DNAJC16: variants seen among roughly 807,000 people sequenced by gnomAD.
The protein encoded by DNAJC16 is dnaJ homolog subfamily C member 16.
A neutral mutation model predicts 92.7 loss-of-function variants in DNAJC16; 76 were observed. The observed-to-expected ratio is 0.82, with a 90% CI of 0.68 to 0.99. The LOEUF is 0.99. Among genes scored for constraint, DNAJC16 ranks in the 50% least tolerant of loss-of-function variants. The pLI is 0.00. For synonymous variants in DNAJC16, 328 were observed against 358.7 expected, an observed-to-expected ratio of 0.91 and a Z score of 0.97; for missense variants, 869 against 942.4, an observed-to-expected ratio of 0.92 and a Z score of 1.02.
chr1:15,557,688 T>C (rs1638597657), intron 7 of DNAJC16, among the ~76,000 whole-genome samples: 1 of 151,966 alleles, frequency 6.6e-6, no homozygotes, highest in Non-Finnish European at 1.5e-5. Context: ...CATCAGTCAT[T>C]AAAGTTCAAA....
At chr1:15,534,395 G>GGGGAACATGACCT in intron 3 of DNAJC16, 92 bp downstream of exon 3, 1 of 1,310,622 alleles carries the variant, frequency 7.6e-7, no homozygotes, top group Non-Finnish European at 1.1e-6. Flanking sequence ...GAAAGGTCAT[G>GGGGAACATGACCT]TTCCCCATGC....
chr1:15,536,477 T>A lies in DNAJC16; in HGVS notation c.237T>A (p.Ile79=), dbSNP rs755072375. 1 of 1,572,150 alleles carries A rather than the reference T, an allele frequency of 6.4e-7. No individual in the cohort carries two copies. The highest frequency in any genetic ancestry group is 8.6e-7 in the Non-Finnish European group (1 of 1,163,362). Residue 79 remains isoleucine (I), a splice_region_variant and synonymous_variant, in exon 4 of 15, where the codon ATT becomes ATA. Transcript: ENST00000375847. ...TAGATTTTTTTCTTCCTTTATAGAT[T>A]CTTTCAAATGAAGAAAAGAGATCAA... is the stretch of plus-strand genomic sequence containing the variant. ...KFIQISKAYE[I]LSNEEKRSNY... is the part of the protein sequence containing the mutation.
rs1553148306 is a variant in DNAJC16 at position 15,555,220 on chromosome 1, CAAAAAAAAAGA to C, written c.1024-4295_1024-4285del. ...GTAAAACCCCGTCTCTACTAAAATA[CAAAAAAAAAGA>C]AAAAAAAAAGCCAGGTGTGGCAGCA... On this transcript the variant is annotated intron_variant, in intron 7 of 14. Transcript: ENST00000375847. Among the ~76,000 whole-genome samples the C allele has an allele frequency of 7.2e-5, 10 of 139,716 alleles. No individual in the cohort carries two copies. The South Asian group carries it at 1.1e-3, about 16-fold the overall frequency. The allele number at this position is 139,716 out of a possible 152,430, so 91.7% of individuals were successfully genotyped here.
chr1:15,541,148 G>A (rs1710922690), intron 4 of DNAJC16, among the ~76,000 whole-genome samples: 1 of 152,170 alleles, frequency 6.6e-6, no homozygotes, highest in African/African-American at 2.4e-5. Flanking sequence ...GCTAAAGAAG[G>A]CACTCAAGAA....
chr1:15,527,649 GC>G (rs1345621436), intron 1 of DNAJC16, among the ~76,000 whole-genome samples: 1 of 152,164 alleles, frequency 6.6e-6, no homozygotes, highest in African/African-American at 2.4e-5. Context: ...ATAATAGGTT[GC>G]CTTAACAAAG....
chr1:15,564,002 G>A lies in DNAJC16; in HGVS notation c.1412G>A (p.Ser471Asn). 1 of 1,614,222 alleles carries A rather than the reference G, an allele frequency of 6.2e-7. No individual in the cohort carries two copies. The highest frequency in any genetic ancestry group is 8.5e-7 in the Non-Finnish European group (1 of 1,180,022). ...ACCCTGGAAGACCCTTGGATTGGGA[G>A]TGAGAGTGACAAATTTATCCTCTTG... The part of the protein sequence containing the change: ...YKTLEDPWIG[S>N]ESDKFILLGY... Residue 471 changes from serine (S) to asparagine (N), a missense_variant, in exon 10 of 15, where the codon AGT (serine) becomes AAT (asparagine). Physicochemically the swap from Ser to Asn is conservative, Grantham distance 46. Transcript: ENST00000375847.
In DNAJC16 at chr1:15,536,659, A is replaced by C. The variant is rs2103406106; in HGVS notation, c.419A>C (p.Glu140Ala). The C allele has an allele frequency of 1.2e-6, 2 of 1,614,132 alleles. No individual in the cohort carries two copies. Among genetic ancestry groups the C allele is most frequent in the East Asian group, 2.2e-5 (1 of 44,878 alleles). ...TCTGAACGGCGGGACTCAATTGACG[A>C]AAAGTATTTATTGCACTTTTCACAT... ...FNSERRDSID[E>A]KYLLHFSHYV... is the part of the protein sequence containing the mutation. The change falls in exon 4 of 15, where the codon GAA (glutamate) becomes GCA (alanine). Residue 140 changes from glutamate to alanine, a missense_variant. Glu to Ala is a moderately radical substitution (Grantham distance 107). Coordinates refer to ENST00000375847, the MANE Select transcript of DNAJC16 (RefSeq NM_015291.4).
In DNAJC16 at chr1:15,548,316, A is replaced by C; in HGVS notation, c.911A>C (p.Tyr304Ser). Reference sequence around the variant, plus strand: ...GATTATTTATCATTTGGATATGTATATGTGGGTTTGAGAGGGACGGAAGAG... The same window carrying C: ...GATTATTTATCATTTGGATATGTATCTGTGGGTTTGAGAGGGACGGAAGAG... ...YKDYLSFGYV[Y>S]VGLRGTEEMT... The change falls in exon 7 of 15, where the codon TAT (tyrosine) becomes TCT (serine). Residue 304 changes from tyrosine to serine, a missense_variant. Tyr to Ser is a moderately radical substitution (Grantham distance 144, BLOSUM62 -2). Coordinates refer to ENST00000375847, the MANE Select transcript of DNAJC16 (RefSeq NM_015291.4). 6.2e-7 allele frequency: 1 copy of C among 1,614,178 alleles called. No individual in the cohort carries two copies. The highest frequency in any genetic ancestry group is 8.5e-7 in the Non-Finnish European group (1 of 1,180,010).
Position 15,567,276 on chromosome 1 carries a change from A to ATGTG in DNAJC16, c.1949+16_1949+19dup. On this transcript the variant is annotated splice_region_variant and intron_variant, in intron 14 of 14. Coordinates refer to ENST00000375847, the MANE Select transcript of DNAJC16 (RefSeq NM_015291.4). ...AGGTCTACACATTTACTGGGTAAGCATGTGTGTGTGTGCATGTATGTATGT... is the reference window on the plus strand; with the variant it reads ...AGGTCTACACATTTACTGGGTAAGCATGTGTGTGTGTGTGTGCATGTATGTATGT... 1 of 1,608,850 alleles carries ATGTG rather than the reference A, an allele frequency of 6.2e-7. No individual in the cohort carries two copies. The highest frequency in any genetic ancestry group is 8.5e-7 in the Non-Finnish European group (1 of 1,176,120).
At chr1:15,546,358 A>G (rs1638303931) in intron 5 of DNAJC16, among the ~76,000 whole-genome samples, 1 of 152,160 alleles carries the variant, frequency 6.6e-6, no homozygotes, top group Non-Finnish European at 1.5e-5. Context: ...GGTGTGATAG[A>G]TAGATGGGAG....
intron 7 of DNAJC16, among the ~76,000 whole-genome samples, chr1:15,556,169 G>C (rs1638566663): frequency 6.7e-6 from 1 of 149,502 alleles, no homozygotes; most frequent in Non-Finnish European, 1.5e-5. Context: ...AATGAAGACA[G>C]TATCTTTTTG....
intron 9 of DNAJC16, among the ~76,000 whole-genome samples, chr1:15,563,663 TAAAAAAAAAAAAAAA>T (rs57751838): frequency 1.9e-5 from 1 of 53,182 alleles, no homozygotes; most frequent in Non-Finnish European, 3.5e-5. Context: ...CCATCTCTAC[TAAAAAAAAAAAAAAA>T]AAAAAAAAAA....
chr1:15,567,053 TC>T, intron 13 of DNAJC16, 45 bp from the exon 14 acceptor site: 1 of 1,563,610 alleles, frequency 6.4e-7, no homozygotes, highest in Non-Finnish European at 8.8e-7. Context: ...GTAACGGCTT[TC>T]CCCCTATCCT....
chr1:15,543,623 G>C (rs72645808), intron 4 of DNAJC16, among the ~76,000 whole-genome samples: 32,564 of 152,100 alleles, frequency 0.21, 3,725 homozygotes, highest in Middle Eastern at 0.23. Context: ...TGGCTGCTAT[G>C]TTAAGAACAG....
At chr1:15,528,948 A>T in intron 1 of DNAJC16, 140 bp from the exon 2 acceptor site, 1 of 588,162 alleles carries the variant, frequency 1.7e-6, no homozygotes, top group Non-Finnish European at 2.8e-6. Context: ...TTTAAGATAC[A>T]GTTCAACAGC....
At chr1:15,543,514 C>T (rs1381926659) in intron 4 of DNAJC16, among the ~76,000 whole-genome samples, 1 of 152,164 alleles carries the variant, frequency 6.6e-6, no homozygotes, top group Non-Finnish European at 1.5e-5. Context: ...TTGTTGGCCT[C>T]TGTGAGGATT....
chr1:15,534,667 G>A (rs1295350441), intron 3 of DNAJC16, among the ~76,000 whole-genome samples: 1 of 152,198 alleles, frequency 6.6e-6, no homozygotes, highest in Non-Finnish European at 1.5e-5. Flanking sequence ...GGAGGTTGCA[G>A]TGAGCAGAGA....
chr1:15,550,644 A>G (rs1377255877), intron 7 of DNAJC16, among the ~76,000 whole-genome samples: 2 of 152,196 alleles, frequency 1.3e-5, no homozygotes, highest in African/African-American at 4.8e-5. Context: ...ACTCCTGGGG[A>G]TTCTCAAAGA....
At chr1:15,531,395 C>G (rs577361533) in intron 2 of DNAJC16, among the ~76,000 whole-genome samples, 1 of 152,338 alleles carries the variant, frequency 6.6e-6, no homozygotes, top group South Asian at 2.1e-4. Flanking sequence ...GAAGCAATCT[C>G]TAATTATACA....
Sources: allele counts gnomAD v4.1 joint callset (sites outside exome capture counted in the v4.1 genomes callset), GRCh38; gene constraint gnomAD v4.1.1; transcripts MANE v1.5; gene names NCBI Gene and HGNC (gene_info 2026-07-23, HGNC 2026-07-21).